The following WDR70 variants were observed in gnomAD, a reference collection of about 807,000 sequenced individuals.
The protein encoded by WDR70 is WD repeat domain 70, also known as WD repeat-containing protein 70.
WDR70 carries 53 observed loss-of-function variants against 88.6 expected under a neutral mutation model. The ratio of observed to expected loss-of-function variants is 0.60; its 90% confidence interval spans 0.48 to 0.75. The LOEUF (loss-of-function observed/expected upper bound fraction) is 0.75, where lower values mean the gene tolerates loss of function less well. Among genes scored for constraint, WDR70 ranks in the 30% least tolerant of loss-of-function variants. The probability of loss-of-function intolerance (pLI) is 0.00; values close to 1 mark genes in which losing one functional copy is unlikely to be tolerated. For missense variants in WDR70, 610 were observed against 823.2 expected (o/e 0.74, Z 3.17); for synonymous variants, 280 against 270.0 (o/e 1.04, Z -0.36).
At chr5:37,520,042 T>C (rs1741037907) in intron 9 of WDR70, among the ~76,000 whole-genome samples, 1 of 152,226 alleles carries the variant, frequency 6.6e-6, no homozygotes, top group Non-Finnish European at 1.5e-5. Flanking sequence ...ATATGATTCA[T>C]TTTAGTATTA....
At chr5:37,498,821 C>T (rs535432632) in intron 8 of WDR70, among the ~76,000 whole-genome samples, 9 of 152,298 alleles carry the variant, frequency 5.9e-5, no homozygotes, top group East Asian at 1.9e-4. Context: ...GTGTAGGTTT[C>T]GTGTGAACAT....
intron 7 of WDR70, among the ~76,000 whole-genome samples, chr5:37,449,240 G>T (rs552330538): frequency 2.6e-5 from 4 of 152,210 alleles, no homozygotes; most frequent in Admixed American, 6.5e-5. Flanking sequence ...GTCTTTTGTC[G>T]CTTTGACATG....
chr5:37,724,691 C>T (rs537431166), intron 15 of WDR70: 156 of 402,146 alleles, frequency 3.9e-4, no homozygotes, highest in Non-Finnish European at 1.2e-4. Context: ...GGAGCCTCAC[C>T]GATGTTTCCA....
intron 10 of WDR70, among the ~76,000 whole-genome samples, chr5:37,659,706 C>T (rs1470578832): frequency 1.3e-5 from 2 of 152,146 alleles, no homozygotes; most frequent in East Asian, 3.9e-4. Context: ...TTCTAGCTTG[C>T]AGAGGGCTTC....
In WDR70 at chr5:37,442,281, C is replaced by T. The variant is rs1273023546; in HGVS notation, c.553-958C>T. 4.6e-5 allele frequency among the ~76,000 whole-genome samples: 7 copies of T among 151,864 alleles called. No homozygotes were observed. In the East Asian group the frequency reaches 1.2e-3, roughly 25 times the overall value. On this transcript the variant is annotated intron_variant, in intron 6 of 17. Coordinates refer to ENST00000265107, the MANE Select transcript of WDR70 (RefSeq NM_018034.4). ...CAAACTCCCAACCTCAGGTGATCCG[C>T]CCGCCTTAGCCTCCCAAAGCGCTGG...
chr5:37,617,508 G>A (rs1263315025), intron 10 of WDR70, among the ~76,000 whole-genome samples: 2 of 152,194 alleles, frequency 1.3e-5, no homozygotes, highest in African/African-American at 4.8e-5. Flanking sequence ...CATGTGCAGT[G>A]GAACTTTTAG....
chr5:37,600,519 TC>T (rs113607674), intron 9 of WDR70, among the ~76,000 whole-genome samples: 24 of 112,944 alleles, frequency 2.1e-4, no homozygotes, highest in African/African-American at 8.8e-4. Flanking sequence ...AGAGCAAGAC[TC>T]CGTCTCAAAA....
chr5:37,729,891 T>C (rs2112711619), intron 17 of WDR70, among the ~76,000 whole-genome samples: 1 of 152,286 alleles, frequency 6.6e-6, no homozygotes, highest in African/African-American at 2.4e-5. Flanking sequence ...AGTCCCCCTT[T>C]TTTTCAGTCC....
At chr5:37,481,331 C>A (rs1279319483) in intron 8 of WDR70, among the ~76,000 whole-genome samples, 1 of 140,046 alleles carries the variant, frequency 7.1e-6, no homozygotes, top group Non-Finnish European at 1.5e-5. Context: ...TCCATGAGGG[C>A]CCCCCCCGCT....
chr5:37,516,825 G>A (rs1320526128), intron 9 of WDR70, among the ~76,000 whole-genome samples: 1 of 151,006 alleles, frequency 6.6e-6, no homozygotes, highest in Admixed American at 6.6e-5. Flanking sequence ...GGGTTCAAGT[G>A]ATTCTCCTGC....
chr5:37,563,985 G>A (rs1168704567), intron 9 of WDR70, among the ~76,000 whole-genome samples: 2 of 148,224 alleles, frequency 1.3e-5, no homozygotes, highest in African/African-American at 4.9e-5. Flanking sequence ...TGGCAGAGAC[G>A]CTCCTCACTT....
At chr5:37,659,862 C>T (rs1745656750) in intron 10 of WDR70, among the ~76,000 whole-genome samples, 1 of 152,150 alleles carries the variant, frequency 6.6e-6, no homozygotes, top group Admixed American at 6.5e-5. Context: ...CAAAAGGCCT[C>T]ACCTCCAATG....
In WDR70 at chr5:37,443,289, A is replaced by G. The variant is rs1456790886; in HGVS notation, c.603A>G (p.Gly201=). ...DPSGARLVTG[G]YDYDVKFWDF... is the part of the protein sequence containing the mutation. ...CAGGTGCCCGTTTGGTGACAGGAGG[A>G]TATGACTATGATGTTAAGTTTTGGG... The change falls in exon 7 of 18, where the codon GGA becomes GGG. Residue 201 remains glycine (G), a synonymous_variant. Transcript: ENST00000265107. 6.2e-7 allele frequency: 1 copy of G among 1,613,636 alleles called. No individual in the cohort carries two copies. Among genetic ancestry groups the G allele is most frequent in the African/African-American group, 1.3e-5 (1 of 74,952 alleles).
chr5:37,435,181 T>A (rs1391643838), intron 5 of WDR70, among the ~76,000 whole-genome samples: 1 of 152,222 alleles, frequency 6.6e-6, no homozygotes, highest in Non-Finnish European at 1.5e-5. Flanking sequence ...ATTGTCTATA[T>A]ATAGGCACAT....
chr5:37,537,609 G>A (rs1426315710), intron 9 of WDR70, among the ~76,000 whole-genome samples: 2 of 151,998 alleles, frequency 1.3e-5, no homozygotes, highest in Non-Finnish European at 2.9e-5. Flanking sequence ...TAAGACATTA[G>A]GGTAAAAAGC....
intron 9 of WDR70, among the ~76,000 whole-genome samples, chr5:37,527,143 A>G (rs1174975909): frequency 6.6e-6 from 1 of 152,238 alleles, no homozygotes; most frequent in African/African-American, 2.4e-5. Context: ...TTTAAAGTTT[A>G]TATGGAACCA....
At chr5:37,628,469 ACTT>A (rs1744728416) in intron 10 of WDR70, among the ~76,000 whole-genome samples, 1 of 152,138 alleles carries the variant, frequency 6.6e-6, no homozygotes, top group Non-Finnish European at 1.5e-5. Flanking sequence ...TATATAACGT[ACTT>A]TTTTGTCACT....
intron 10 of WDR70, among the ~76,000 whole-genome samples, chr5:37,683,849 T>TG (rs926576107): frequency 6.6e-6 from 1 of 152,228 alleles, no homozygotes; most frequent in Admixed American, 6.5e-5. Context: ...AGTATCTTAC[T>TG]GGGGGTCTCT....
chr5:37,746,038 C>A (rs190624815), intron 17 of WDR70, among the ~76,000 whole-genome samples: 38 of 152,326 alleles, frequency 2.5e-4, no homozygotes, highest in African/African-American at 8.7e-4. Context: ...AAACGCTCCT[C>A]AGCAAATGCA....
Sources: gnomAD v4.1 joint callset for allele counts (sites outside exome capture counted in the v4.1 genomes callset) on GRCh38, gnomAD v4.1.1 for gene constraint, MANE v1.5 for transcripts, NCBI Gene and HGNC (gene_info 2026-07-23, HGNC 2026-07-21) for gene names.